Variants in TSHZ3 observed in about 807,000 individuals in gnomAD.
TSHZ3 encodes teashirt homolog 3.
TSHZ3 carries 10 observed loss-of-function variants against 64.5 expected under a neutral mutation model. The observed-to-expected ratio is 0.16, with a 90% CI of 0.10 to 0.26. TSHZ3 has a LOEUF of 0.26. Ranked by LOEUF, TSHZ3 falls within the 10% of genes least tolerant of loss-of-function variation. The probability of loss-of-function intolerance (pLI) is 1.00; values close to 1 mark genes in which losing one functional copy is unlikely to be tolerated. For missense variants in TSHZ3, 1,242 were observed against 1,421.7 expected, an observed-to-expected ratio of 0.87 and a Z score of 2.03; for synonymous variants, 608 against 593.1, an observed-to-expected ratio of 1.03 and a Z score of -0.36.
intron 1 of TSHZ3, among the ~76,000 whole-genome samples, chr19:31,341,630 G>GACACACACACAC (rs57786287): frequency 2.9e-5 from 4 of 137,988 alleles, no homozygotes; most frequent in African/African-American, 1.0e-4. Context: ...CTCTCTCTCT[G>GACACACACACAC]ACACACACAC....
chr19:31,305,136 G>T (rs1976818213), intron 1 of TSHZ3, among the ~76,000 whole-genome samples: 1 of 151,988 alleles, frequency 6.6e-6, no homozygotes, highest in Admixed American at 6.6e-5. Context: ...AAAAAATACG[G>T]CAGCTTCCTC....
intron 1 of TSHZ3, among the ~76,000 whole-genome samples, chr19:31,320,475 G>A (rs1916736053): frequency 6.6e-6 from 1 of 152,138 alleles, no homozygotes; most frequent in Admixed American, 6.5e-5. Context: ...TCTGAGACGT[G>A]ACACCTGGAG....
chr19:31,295,407 A>G (rs1438256443), intron 1 of TSHZ3, among the ~76,000 whole-genome samples: 1 of 152,248 alleles, frequency 6.6e-6, no homozygotes, highest in Middle Eastern at 3.2e-3. Flanking sequence ...AAAGGATTCA[A>G]ATGTCTACCA....
intron 1 of TSHZ3, among the ~76,000 whole-genome samples, chr19:31,333,270 T>G (rs375197918): frequency 9.9e-5 from 15 of 152,236 alleles, no homozygotes; most frequent in African/African-American, 3.6e-4. Flanking sequence ...GCAATGCAGC[T>G]GCCCTCCCTA....
In TSHZ3 at chr19:31,179,014, CTGA is replaced by C. The variant is rs760717001; in HGVS notation, n.810-22600_810-22598del. On this transcript the variant is annotated intron_variant and non_coding_transcript_variant, in intron 5 of 6. Coordinates refer to the TSHZ3 transcript ENST00000651361. ...CAGGAGACCTGGACTGCAGAAGGCACTGATGATGATGATGATGATGATGATGAT... is the reference window on the plus strand; with the variant it reads ...CAGGAGACCTGGACTGCAGAAGGCACTGATGATGATGATGATGATGATGAT... Among the ~76,000 whole-genome samples, 176 of 112,172 alleles carry C rather than the reference CTGA, an allele frequency of 1.6e-3. 1 individual carries two copies. Among genetic ancestry groups the C allele is most frequent in the African/African-American group, 3.8e-3 (111 of 28,986 alleles). The allele number at this position is 112,172 out of a possible 152,430, so 73.6% of individuals were successfully genotyped here.
At chr19:31,252,332 C>A (rs531234243) in intron 1 of TSHZ3, among the ~76,000 whole-genome samples, 1 of 152,076 alleles carries the variant, frequency 6.6e-6, no homozygotes, top group African/African-American at 2.4e-5. Context: ...TATGCCAGCT[C>A]CCCCGTGTGT....
At chr19:31,266,790 G>C (rs1474015689) in intron 1 of TSHZ3, among the ~76,000 whole-genome samples, 2 of 152,196 alleles carry the variant, frequency 1.3e-5, no homozygotes, top group African/African-American at 4.8e-5. Context: ...CACTCCCTAG[G>C]ATGTGACAAG....
At chr19:31,164,875 C>T (rs957573867) in intron 5 of TSHZ3, among the ~76,000 whole-genome samples, 1 of 152,184 alleles carries the variant, frequency 6.6e-6, no homozygotes, top group African/African-American at 2.4e-5. Flanking sequence ...ATGAAGTGGC[C>T]GATTGGACCA....
In TSHZ3 at chr19:31,196,643, C is replaced by T. The variant is rs1408141576; in HGVS notation, n.809+8313G>A. On this transcript the variant is annotated intron_variant and non_coding_transcript_variant, in intron 5 of 6. Coordinates refer to the TSHZ3 transcript ENST00000651361. The stretch of plus-strand genomic sequence containing the variant: ...AATGGATGGAGAAAGACATACCATG[C>T]TAACACTAATCAAAAGAAAGTGGGA... Among the ~76,000 whole-genome samples the T allele has an allele frequency of 9.2e-5, 14 of 151,960 alleles. No homozygotes were observed. The East Asian group carries it at 2.7e-3, about 29-fold the overall frequency.
intron 6 of TSHZ3, among the ~76,000 whole-genome samples, chr19:31,154,882 A>G (rs1013612895): frequency 6.6e-6 from 1 of 152,160 alleles, no homozygotes; most frequent in Non-Finnish European, 1.5e-5. Context: ...TCTCTATCAT[A>G]AGGGCCAGGA....
chr19:31,259,220 T>C (rs1326180805), intron 1 of TSHZ3, among the ~76,000 whole-genome samples: 1 of 152,238 alleles, frequency 6.6e-6, no homozygotes, highest in African/African-American at 2.4e-5. Flanking sequence ...GGAAGAGTGA[T>C]TTCCATAAAA....
At chr19:31,249,526 C>A (rs549647006) in intron 1 of TSHZ3, among the ~76,000 whole-genome samples, 3 of 152,170 alleles carry the variant, frequency 2.0e-5, no homozygotes, top group Non-Finnish European at 2.9e-5. Context: ...CCCGCACACA[C>A]ACACACTCTC....
At chr19:31,300,959 A>G (rs1976746396) in intron 1 of TSHZ3, among the ~76,000 whole-genome samples, 1 of 152,212 alleles carries the variant, frequency 6.6e-6, no homozygotes, top group Non-Finnish European at 1.5e-5. Flanking sequence ...ACCGTTGAGA[A>G]CACTGCTAAT....
At chr19:31,153,642 T>C (rs2145095802) in intron 6 of TSHZ3, among the ~76,000 whole-genome samples, 1 of 152,362 alleles carries the variant, frequency 6.6e-6, no homozygotes, top group African/African-American at 2.4e-5. Context: ...TGTTAACTTA[T>C]TTATTGTCTT....
At chr19:31,315,982 C>T (rs532924858) in intron 1 of TSHZ3, among the ~76,000 whole-genome samples, 1 of 152,222 alleles carries the variant, frequency 6.6e-6, no homozygotes, top group East Asian at 1.9e-4. Flanking sequence ...TTTACCCATT[C>T]AGCACTAATC....
intron 5 of TSHZ3, among the ~76,000 whole-genome samples, chr19:31,159,785 T>C (rs1005129103): frequency 6.6e-6 from 1 of 152,130 alleles, no homozygotes; most frequent in African/African-American, 2.4e-5. Context: ...TTCAATCTCC[T>C]GGGTTCAAGT....
rs111227089 is a variant in TSHZ3, at chr19:31,263,229, G to A, written n.64-20354C>T. On this transcript the variant is annotated intron_variant and non_coding_transcript_variant, in intron 1 of 6. Coordinates refer to the TSHZ3 transcript ENST00000651361. ...AACTCTCCTCCAAATTCTCAAGGCC[G>A]TTGAACCCACCTTGATTATATTAGA... Among the ~76,000 whole-genome samples the A allele has an allele frequency of 2.0e-4, 30 of 152,268 alleles. 1 individual carries two copies. The South Asian group carries it at 2.9e-3, about 15-fold the overall frequency.
chr19:31,152,679 T>C (rs1185021729), intron 6 of TSHZ3, among the ~76,000 whole-genome samples: 1 of 152,122 alleles, frequency 6.6e-6, no homozygotes, highest in African/African-American at 2.4e-5. Flanking sequence ...CCTTCACGAT[T>C]ATCCTGTCAT....
Position 31,347,880 on chromosome 19 carries a change from G to A in TSHZ3, c.40+1300C>T, listed in dbSNP as rs143591346. Among the ~76,000 whole-genome samples the A allele has an allele frequency of 9.3e-3, 1,410 of 152,318 alleles. 33 individuals carry two copies. The highest frequency in any genetic ancestry group is 0.053 in the Admixed American group (817 of 15,302). ...AGCCAACGTGTGAGGTCCCCTGGCA[G>A]TGCCGGCTGGCATGATGGAAATTAT... On this transcript the variant is annotated intron_variant, in intron 1 of 1. Transcript: ENST00000240587.
Sources: allele counts gnomAD v4.1 joint callset (sites outside exome capture counted in the v4.1 genomes callset), GRCh38; gene constraint gnomAD v4.1.1; transcripts MANE v1.5; gene names NCBI Gene and HGNC (gene_info 2026-07-23, HGNC 2026-07-21).